The following MYO16 variants were observed in gnomAD, a reference collection of about 807,000 sequenced individuals.
The protein encoded by MYO16 is unconventional myosin-XVI.
Under a neutral mutation model 205.3 loss-of-function variants are expected in MYO16, and 94 were observed. That is an observed-to-expected ratio of 0.46 (90% confidence interval 0.39 to 0.54). The LOEUF (loss-of-function observed/expected upper bound fraction) is 0.54. Among genes scored for constraint, MYO16 ranks in the 20% least tolerant of loss-of-function variants. MYO16 has a pLI of 0.00. For synonymous variants in MYO16, 988 were observed against 954.0 expected (o/e 1.04, Z -0.66); for missense variants, 2,315 against 2,387.5 (o/e 0.97, Z 0.63).
intron 4 of MYO16, among the ~76,000 whole-genome samples, chr13:108,744,899 A>G (rs1391966878): frequency 6.6e-6 from 1 of 152,214 alleles, no homozygotes; most frequent in Non-Finnish European, 1.5e-5. Context: ...AAACCTTACC[A>G]TCACTAGAAT....
upstream of MYO16, among the ~76,000 whole-genome samples, chr13:108,626,063 C>G (rs964249240): frequency 6.6e-6 from 1 of 152,072 alleles, no homozygotes; most frequent in African/African-American, 2.4e-5. Context: ...ATGCTTATCT[C>G]TCATTAGAAT....
At chr13:109,091,812 A>G (rs1046595865) in intron 27 of MYO16, among the ~76,000 whole-genome samples, 1 of 152,178 alleles carries the variant, frequency 6.6e-6, no homozygotes. Context: ...CTGGAAGAGC[A>G]CGAGGTTAAT....
At chr13:109,186,922 A>C (rs143379411) in intron 34 of MYO16, among the ~76,000 whole-genome samples, 2 of 152,300 alleles carry the variant, frequency 1.3e-5, no homozygotes, top group South Asian at 4.1e-4. Flanking sequence ...GCTCATGGAC[A>C]TTTTCAACTG....
intron 1 of MYO16, among the ~76,000 whole-genome samples, chr13:108,615,459 G>A (rs1400511035): frequency 6.6e-6 from 1 of 151,986 alleles, no homozygotes; most frequent in East Asian, 1.9e-4. Flanking sequence ...TATAGACCCA[G>A]GAGAACTGAA....
At chr13:108,740,847 C>T (rs1047011741) in intron 4 of MYO16, among the ~76,000 whole-genome samples, 45 of 152,196 alleles carry the variant, frequency 3.0e-4, no homozygotes, top group Non-Finnish European at 4.4e-4. Context: ...GCACCCCTCC[C>T]CCAGCCTCAC....
chr13:108,533,699 T>G, the MYO16 span, among the ~76,000 whole-genome samples: 3 of 152,308 alleles, frequency 2.0e-5, no homozygotes, highest in African/African-American at 7.2e-5. Context: ...TTCCTTGAAA[T>G]AAGCACAGCA....
At chr13:109,095,579 CA>C (rs200940885) in intron 27 of MYO16, among the ~76,000 whole-genome samples, 4 of 151,934 alleles carry the variant, frequency 2.6e-5, no homozygotes, top group Non-Finnish European at 5.9e-5. Context: ...TTTTAAGTGT[CA>C]AAAAAATATT....
At chr13:108,565,080 A>G in the MYO16 span, among the ~76,000 whole-genome samples, 1 of 152,174 alleles carries the variant, frequency 6.6e-6, no homozygotes, top group African/African-American at 2.4e-5. Context: ...GAAGTCACGT[A>G]ATATGATTAC....
chr13:108,831,149 T>G lies in MYO16; in HGVS notation c.1097+7871T>G, dbSNP rs571337689. 6.6e-5 allele frequency among the ~76,000 whole-genome samples: 10 copies of G among 152,236 alleles called. No individual in the cohort carries two copies. The South Asian group carries it at 1.9e-3, about 28-fold the overall frequency. On this transcript the variant is annotated intron_variant, in intron 9 of 34. Coordinates refer to ENST00000457511, the MANE Select transcript of MYO16 (RefSeq NM_001198950.3). Reference sequence around the variant, plus strand: ...AGTCACCTCGTAAAACCCCTACTTCTTAATGCTATCACTTTGAGGATTGGG... The same window carrying G: ...AGTCACCTCGTAAAACCCCTACTTCGTAATGCTATCACTTTGAGGATTGGG...
intron 21 of MYO16, among the ~76,000 whole-genome samples, chr13:108,992,919 T>G (rs1884884958): frequency 6.6e-6 from 1 of 152,216 alleles, no homozygotes; most frequent in Non-Finnish European, 1.5e-5. Context: ...GGGTTGTTTT[T>G]AATCCATCTA....
chr13:108,809,296 CCTTCT>C (rs1476137567), intron 7 of MYO16, among the ~76,000 whole-genome samples: 9 of 152,176 alleles, frequency 5.9e-5, no homozygotes, highest in Non-Finnish European at 8.8e-5. Flanking sequence ...TCATATACTT[CCTTCT>C]ATTTTCTCAC....
chr13:108,722,700 T>G (rs1234495190), intron 3 of MYO16, among the ~76,000 whole-genome samples: 4 of 152,174 alleles, frequency 2.6e-5, no homozygotes, highest in African/African-American at 9.7e-5. Flanking sequence ...AGAAAAGGAA[T>G]TACTTGCATA....
At chr13:108,876,394 T>G (rs1248896294) in intron 12 of MYO16, among the ~76,000 whole-genome samples, 1 of 152,170 alleles carries the variant, frequency 6.6e-6, no homozygotes, top group Non-Finnish European at 1.5e-5. Flanking sequence ...ACTGTAACAT[T>G]TATTTTCTGA....
chr13:108,854,971 C>G (rs1321893873), intron 10 of MYO16, among the ~76,000 whole-genome samples: 1 of 152,188 alleles, frequency 6.6e-6, no homozygotes, highest in Non-Finnish European at 1.5e-5. Flanking sequence ...CCTCATCCTA[C>G]ATGAATGCAG....
At chr13:109,192,033 G>T (rs147678703) in intron 34 of MYO16, among the ~76,000 whole-genome samples, 187 of 152,266 alleles carry the variant, frequency 1.2e-3, no homozygotes, top group African/African-American at 4.0e-3. Context: ...ATAATAGAAG[G>T]ATTTCCATTA....
At chr13:108,745,823 T>G (rs181053047) in intron 4 of MYO16, among the ~76,000 whole-genome samples, 2 of 152,282 alleles carry the variant, frequency 1.3e-5, no homozygotes, top group African/African-American at 4.8e-5. Flanking sequence ...AGATGGACGA[T>G]GTAAGCAGAG....
chr13:109,028,746 A>G (rs9555544), intron 23 of MYO16, among the ~76,000 whole-genome samples: 55,430 of 150,350 alleles, frequency 0.37, 10,778 homozygotes, highest in East Asian at 0.66. Context: ...CCACAACCCT[A>G]CAGATAAAAT....
chr13:109,154,723 A>T (rs1877892706), intron 32 of MYO16, among the ~76,000 whole-genome samples: 1 of 151,952 alleles, frequency 6.6e-6, no homozygotes, highest in Admixed American at 6.6e-5. Flanking sequence ...TATGTTGCTG[A>T]CACCGACCGC....
intron 4 of MYO16, among the ~76,000 whole-genome samples, chr13:108,737,849 C>T (rs977604755): frequency 2.0e-5 from 3 of 152,240 alleles, no homozygotes; most frequent in Non-Finnish European, 1.5e-5. Flanking sequence ...TCAACTTCTT[C>T]CTGGTTTAGT....
Sources: gnomAD v4.1 joint callset for allele counts (sites outside exome capture counted in the v4.1 genomes callset) on GRCh38, gnomAD v4.1.1 for gene constraint, MANE v1.5 for transcripts, NCBI Gene and HGNC (gene_info 2026-07-23, HGNC 2026-07-21) for gene names.